The following ZNF609 variants were observed in gnomAD, a reference collection of about 807,000 sequenced individuals.
ZNF609 encodes the protein zinc finger protein 609.
A neutral mutation model predicts 109.5 loss-of-function variants in ZNF609; 11 were observed. The ratio of observed to expected loss-of-function variants is 0.10; its 90% CI spans 0.06 to 0.17. The LOEUF (loss-of-function observed/expected upper bound fraction) is 0.17. ZNF609 is among the 10% of genes least tolerant of loss of function. ZNF609 has a pLI of 1.00. For synonymous variants in ZNF609, 646 were observed against 662.0 expected, an observed-to-expected ratio of 0.98 and a Z score of 0.37; for missense variants, 1,559 against 1,772.4, an observed-to-expected ratio of 0.88 and a Z score of 2.16.
intron 2 of ZNF609, among the ~76,000 whole-genome samples, chr15:64,614,369 A>G (rs1319345352): frequency 6.6e-6 from 1 of 151,904 alleles, no homozygotes; most frequent in African/African-American, 2.4e-5. Context: ...AGCTGGGAAT[A>G]CAGGCGACTG....
At chr15:64,634,163 C>A (rs972407124) in intron 3 of ZNF609, among the ~76,000 whole-genome samples, 1 of 151,988 alleles carries the variant, frequency 6.6e-6, no homozygotes, top group African/African-American at 2.4e-5. Context: ...GGGTAAGTAG[C>A]TGACATCTAA....
chr15:64,494,926 C>A (rs1258730314), intron 1 of ZNF609, among the ~76,000 whole-genome samples: 1 of 152,214 alleles, frequency 6.6e-6, no homozygotes, highest in East Asian at 1.9e-4. Flanking sequence ...GAAATGGCTT[C>A]CCAGTCTTGT....
At chr15:64,654,768 A>G (rs974834423) in intron 3 of ZNF609, among the ~76,000 whole-genome samples, 1 of 152,216 alleles carries the variant, frequency 6.6e-6, no homozygotes, top group Non-Finnish European at 1.5e-5. Flanking sequence ...TATAGGCTAG[A>G]TACAATATAG....
At chr15:64,580,047 G>C (rs1412338325) in intron 2 of ZNF609, among the ~76,000 whole-genome samples, 2 of 152,180 alleles carry the variant, frequency 1.3e-5, no homozygotes, top group African/African-American at 4.8e-5. Context: ...GATTAGCTTA[G>C]ATTATCCAAT....
chr15:64,479,118 C>G (rs1893212785), intron 1 of ZNF609, among the ~76,000 whole-genome samples: 1 of 152,016 alleles, frequency 6.6e-6, no homozygotes, highest in African/African-American at 2.4e-5. Flanking sequence ...GTAACACTAT[C>G]TGACACAGTG....
intron 2 of ZNF609, among the ~76,000 whole-genome samples, chr15:64,576,653 A>T (rs1481957321): frequency 6.6e-6 from 1 of 151,746 alleles, no homozygotes; most frequent in Non-Finnish European, 1.5e-5. Context: ...AAAATAGTGG[A>T]TGGAGCCAGG....
At chr15:64,472,447 C>A (rs537474095) in intron 1 of ZNF609, among the ~76,000 whole-genome samples, 3 of 152,310 alleles carry the variant, frequency 2.0e-5, no homozygotes, top group African/African-American at 7.2e-5. Flanking sequence ...CTGCTCTATC[C>A]TGTGTACAAA....
Position 64,611,227 on chromosome 15 carries a change from G to C in ZNF609, c.748-11600G>C, listed in dbSNP as rs549116791. On this transcript the variant is annotated intron_variant, in intron 2 of 9. Coordinates refer to ENST00000326648, the MANE Select transcript of ZNF609 (RefSeq NM_015042.2). ...TAGGAGGGATTATCAGCCTTCTATG[G>C]TAAACATACAGTCAGCTTCAGAGGA... is the stretch of plus-strand genomic sequence containing the variant. 2.8e-4 allele frequency among the ~76,000 whole-genome samples: 42 copies of C among 152,268 alleles called. No homozygotes were observed. The South Asian group carries it at 8.3e-3, about 30-fold the overall frequency.
intron 2 of ZNF609, among the ~76,000 whole-genome samples, chr15:64,604,384 G>A (rs1489663675): frequency 2.0e-5 from 3 of 152,158 alleles, no homozygotes; most frequent in Non-Finnish European, 4.4e-5. Flanking sequence ...ATTTGAAAAA[G>A]CCTTTTATGA....
chr15:64,615,137 T>A (rs890140621), intron 2 of ZNF609, among the ~76,000 whole-genome samples: 1 of 151,632 alleles, frequency 6.6e-6, no homozygotes, highest in Admixed American at 6.6e-5. Flanking sequence ...TGTTTTGTTT[T>A]GTTTTGAAGA....
rs1457834219 is a variant in ZNF609, at chr15:64,674,653, A to G, written c.1799A>G (p.Asp600Gly). ...KKKLSGEGDT[D>G]LGALSNDGSD... ...AAGTTGAGTGGGGAAGGGGACACAG[A>G]CCTTGGGGCCTTATCCAATGATGGC... Residue 600 changes from aspartate (D) to glycine (G), a missense_variant, in exon 5 of 10, where the codon GAC becomes GGC. Coordinates refer to ENST00000326648, the MANE Select transcript of ZNF609 (RefSeq NM_015042.2). 1 of 1,614,028 alleles carries G rather than the reference A, an allele frequency of 6.2e-7. No homozygotes were observed.
rs555994563 is a variant in ZNF609, at chr15:64,555,037, G to A, written c.747+54871G>A. Among the ~76,000 whole-genome samples the A allele has an allele frequency of 2.0e-5, 3 of 151,680 alleles. No individual in the cohort carries two copies. The South Asian group carries it at 6.3e-4, about 32-fold the overall frequency. ...CTTGAACCTGGGAGGCGGAGGTTAC[G>A]GTGAGCCAAGATCACGCCATTGCAC... On this transcript the variant is annotated intron_variant, in intron 2 of 9. Transcript: ENST00000326648.
chr15:64,465,221 T>C (rs1892997970), intron 1 of ZNF609, among the ~76,000 whole-genome samples: 1 of 152,238 alleles, frequency 6.6e-6, no homozygotes, highest in Non-Finnish European at 1.5e-5. Context: ...GGTGGATACC[T>C]AATAGGTTTT....
chr15:64,469,138 C>T (rs905784317), intron 1 of ZNF609, among the ~76,000 whole-genome samples: 1 of 150,632 alleles, frequency 6.6e-6, no homozygotes, highest in African/African-American at 2.4e-5. Context: ...TGGCACATGC[C>T]TGTAATCCCA....
chr15:64,512,364 A>G (rs1893745202), intron 2 of ZNF609, among the ~76,000 whole-genome samples: 1 of 152,218 alleles, frequency 6.6e-6, no homozygotes, highest in Non-Finnish European at 1.5e-5. Flanking sequence ...TATGTAGATT[A>G]GAAAGGGGCA....
At chr15:64,617,646 G>C (rs1174169086) in intron 2 of ZNF609, among the ~76,000 whole-genome samples, 1 of 152,112 alleles carries the variant, frequency 6.6e-6, no homozygotes, top group South Asian at 2.1e-4. Flanking sequence ...CAGGCATGGT[G>C]GTGGGAGCCT....
intron 1 of ZNF609, among the ~76,000 whole-genome samples, chr15:64,469,184 A>G (rs1331057555): frequency 4.0e-5 from 6 of 151,858 alleles, no homozygotes; most frequent in Non-Finnish European, 8.8e-5. Context: ...AATCGCTTAA[A>G]CTTGGGAGGT....
intron 2 of ZNF609, among the ~76,000 whole-genome samples, chr15:64,548,852 A>G (rs570394191): frequency 5.5e-4 from 84 of 152,326 alleles, no homozygotes; most frequent in African/African-American, 1.9e-3. Context: ...TGTCAAAACA[A>G]CCTACTTGAG....
intron 2 of ZNF609, among the ~76,000 whole-genome samples, chr15:64,614,231 TTTC>T (rs1895763256): frequency 6.6e-6 from 1 of 150,398 alleles, no homozygotes; most frequent in South Asian, 2.1e-4. Flanking sequence ...TTTTTCTGTA[TTTC>T]TTTTTTTTTT....
Sources: gnomAD v4.1 joint callset for allele counts (sites outside exome capture counted in the v4.1 genomes callset) on GRCh38, gnomAD v4.1.1 for gene constraint, MANE v1.5 for transcripts, NCBI Gene and HGNC (gene_info 2026-07-23, HGNC 2026-07-21) for gene names.